RALGAPA1: variants seen among roughly 807,000 people sequenced by gnomAD.
The protein encoded by RALGAPA1 is ral GTPase-activating protein subunit alpha-1.
Under a neutral mutation model 269.6 loss-of-function variants are expected in RALGAPA1, and 52 were observed. The ratio of observed to expected loss-of-function variants is 0.19; its 90% CI spans 0.15 to 0.24. The LOEUF (loss-of-function observed/expected upper bound fraction) is 0.24. Among genes scored for constraint, RALGAPA1 ranks in the 10% least tolerant of loss-of-function variants. The pLI is 1.00. For missense variants in RALGAPA1, 1,917 were observed against 3,013.9 expected, an observed-to-expected ratio of 0.64 and a Z score of 8.52; for synonymous variants, 817 against 1,008.3, an observed-to-expected ratio of 0.81 and a Z score of 3.60.
At chr14:35,693,546 AACGATC>A (rs1175487896) in intron 17 of RALGAPA1, among the ~76,000 whole-genome samples, 1 of 151,956 alleles carries the variant, frequency 6.6e-6, no homozygotes, top group Non-Finnish European at 1.5e-5. Context: ...GGAAGAGAAG[AACGATC>A]ACCCATGTTC....
At chr14:35,760,520 C>T (rs1279973651) in intron 6 of RALGAPA1, among the ~76,000 whole-genome samples, 2 of 152,216 alleles carry the variant, frequency 1.3e-5, no homozygotes, top group African/African-American at 4.8e-5. Flanking sequence ...CCCATAGAAA[C>T]CATAATAAAG....
chr14:35,598,621 T>C (rs1410902257), intron 36 of RALGAPA1, among the ~76,000 whole-genome samples: 2 of 152,082 alleles, frequency 1.3e-5, no homozygotes, highest in South Asian at 2.1e-4. Flanking sequence ...GGTTTCGCCA[T>C]GTTGGCCAGG....
intron 28 of RALGAPA1, among the ~76,000 whole-genome samples, chr14:35,656,709 C>A (rs1388214230): frequency 6.6e-6 from 1 of 152,154 alleles, no homozygotes; most frequent in African/African-American, 2.4e-5. Flanking sequence ...ATTCTTCTTC[C>A]TTAACACAGC....
At chr14:35,754,482 G>C in intron 7 of RALGAPA1, among the ~76,000 whole-genome samples, 1 of 152,096 alleles carries the variant, frequency 6.6e-6, no homozygotes, top group East Asian at 1.9e-4. Context: ...CATACCATTA[G>C]CTGTTAGGGA....
intron 35 of RALGAPA1, among the ~76,000 whole-genome samples, chr14:35,608,179 CA>C (rs1298859281): frequency 6.6e-6 from 1 of 151,224 alleles, no homozygotes; most frequent in Non-Finnish European, 1.5e-5. Context: ...GCATGTGGGA[CA>C]AAAAAAACAT....
intron 3 of RALGAPA1, among the ~76,000 whole-genome samples, chr14:35,771,583 T>C (rs1045812497): frequency 6.6e-6 from 1 of 152,192 alleles, no homozygotes; most frequent in Admixed American, 6.5e-5. Flanking sequence ...TACAATAATA[T>C]AGAAGGTATA....
chr14:35,732,883 C>T (rs2070637544), intron 12 of RALGAPA1, among the ~76,000 whole-genome samples: 1 of 152,162 alleles, frequency 6.6e-6, no homozygotes, highest in South Asian at 2.1e-4. Context: ...TTAAACCATA[C>T]CTTGGAACAA....
chr14:35,794,165 A>T (rs537211291), intron 1 of RALGAPA1, among the ~76,000 whole-genome samples: 10 of 152,288 alleles, frequency 6.6e-5, no homozygotes, highest in South Asian at 4.1e-4. Context: ...CTAACACTGT[A>T]TATCAAACTC....
chr14:35,624,230 G>A (rs1214740108), intron 35 of RALGAPA1, among the ~76,000 whole-genome samples: 23 of 135,044 alleles, frequency 1.7e-4, no homozygotes, highest in Admixed American at 9.0e-4. Flanking sequence ...AAAAAAAAAG[G>A]AGTCCAGTGT....
chr14:35,655,165 T>C (rs1298821141), intron 29 of RALGAPA1, among the ~76,000 whole-genome samples: 1 of 152,202 alleles, frequency 6.6e-6, no homozygotes, highest in East Asian at 1.9e-4. Flanking sequence ...TGTCTAGCAA[T>C]GTGCCTCATA....
chr14:35,548,996 A>G, intron 40 of RALGAPA1, 114 bp downstream of exon 40: 1 of 1,234,400 alleles, frequency 8.1e-7, no homozygotes, highest in Non-Finnish European at 1.1e-6. Flanking sequence ...TTAAATAGTG[A>G]TTAAAAATTC....
chr14:35,659,913 A>G (rs1317999664), intron 27 of RALGAPA1, among the ~76,000 whole-genome samples: 5 of 152,124 alleles, frequency 3.3e-5, no homozygotes, highest in African/African-American at 1.2e-4. Flanking sequence ...AGTAGAATAC[A>G]TAGCTCAAAG....
chr14:35,696,168 G>A (rs2066880084), intron 17 of RALGAPA1, among the ~76,000 whole-genome samples: 1 of 152,096 alleles, frequency 6.6e-6, no homozygotes, highest in African/African-American at 2.4e-5. Flanking sequence ...AAGGTGTGGA[G>A]GATCACTTGA....
chr14:35,643,513 T>C (rs2062173117), intron 31 of RALGAPA1, among the ~76,000 whole-genome samples: 1 of 152,104 alleles, frequency 6.6e-6, no homozygotes, highest in Non-Finnish European at 1.5e-5. Context: ...TACTATATGA[T>C]CCAGTAATCC....
Position 35,775,618 on chromosome 14 carries a change from A to AT in RALGAPA1, c.217+16dup. The AT allele has an allele frequency of 6.4e-7, 1 of 1,557,314 alleles. No individual in the cohort carries two copies. The highest frequency in any genetic ancestry group is 2.4e-5 in the East Asian group (1 of 41,748). On this transcript the variant is annotated intron_variant, in intron 2 of 41. Transcript: ENST00000680220. ...TAGAAATATTAACATACGCCAAGATATATGTTAGCATCTTACCTTTCTGTT... is the reference window on the plus strand; with the variant it reads ...TAGAAATATTAACATACGCCAAGATATTATGTTAGCATCTTACCTTTCTGTT...
At chr14:35,613,452 C>G (rs1271112171) in intron 35 of RALGAPA1, among the ~76,000 whole-genome samples, 1 of 152,152 alleles carries the variant, frequency 6.6e-6, no homozygotes, top group Admixed American at 6.5e-5. Context: ...ACAAATTACA[C>G]AAACTAGGTT....
chr14:35,704,707 G>T (rs1006132862), intron 16 of RALGAPA1, among the ~76,000 whole-genome samples: 1 of 152,094 alleles, frequency 6.6e-6, no homozygotes, highest in Non-Finnish European at 1.5e-5. Flanking sequence ...AAAGAAAGCT[G>T]TTTAAGTTAG....
At chr14:35,546,043 C>T (rs1010828244) in intron 41 of RALGAPA1, among the ~76,000 whole-genome samples, 3 of 151,974 alleles carry the variant, frequency 2.0e-5, no homozygotes, top group Non-Finnish European at 2.9e-5. Flanking sequence ...AATATTTTAA[C>T]GTAGTTATGA....
intron 36 of RALGAPA1, among the ~76,000 whole-genome samples, chr14:35,605,273 G>GT (rs1265746233): frequency 6.6e-6 from 1 of 152,088 alleles, no homozygotes; most frequent in Non-Finnish European, 1.5e-5. Flanking sequence ...GAAAGCCTTT[G>GT]TGTAGCCATT....
Sources: allele counts gnomAD v4.1 joint callset (sites outside exome capture counted in the v4.1 genomes callset), GRCh38; gene constraint gnomAD v4.1.1; transcripts MANE v1.5; gene names NCBI Gene and HGNC (gene_info 2026-07-23, HGNC 2026-07-21).